The following ADARB2 variants were observed in gnomAD, a reference collection of about 807,000 sequenced individuals.
The protein encoded by ADARB2 is adenosine deaminase RNA specific B2 (inactive).
A neutral mutation model predicts 62.2 loss-of-function variants in ADARB2; 25 were observed. That is an observed-to-expected ratio of 0.40 (90% CI 0.29 to 0.56). The LOEUF is 0.56. Ranked by LOEUF, ADARB2 falls within the 20% of genes least tolerant of loss-of-function variation. The pLI is 0.43. For synonymous variants in ADARB2, 572 were observed against 500.8 expected, an observed-to-expected ratio of 1.14 and a Z score of -1.90; for missense variants, 1,071 against 1,077.4, an observed-to-expected ratio of 0.99 and a Z score of 0.08.
At chr10:1,193,993 G>T (rs1836875102) in intron 8 of ADARB2, among the ~76,000 whole-genome samples, 1 of 152,048 alleles carries the variant, frequency 6.6e-6, no homozygotes, top group Non-Finnish European at 1.5e-5. Flanking sequence ...ATTCTTAGTT[G>T]TGATCTCTTT....
intron 1 of ADARB2, among the ~76,000 whole-genome samples, chr10:1,530,259 C>T (rs934521702): frequency 6.6e-6 from 1 of 152,236 alleles, no homozygotes; most frequent in Non-Finnish European, 1.5e-5. Flanking sequence ...TGAGGGTCTC[C>T]CTCCTGGCAC....
chr10:1,223,826 C>A (rs552891809), intron 6 of ADARB2, among the ~76,000 whole-genome samples: 1 of 152,006 alleles, frequency 6.6e-6, no homozygotes, highest in Admixed American at 6.6e-5. Flanking sequence ...TCGTTTTGCC[C>A]GTATTTTATT....
intron 7 of ADARB2, among the ~76,000 whole-genome samples, chr10:1,209,580 C>T (rs1012612467): frequency 6.0e-5 from 9 of 151,130 alleles, no homozygotes; most frequent in African/African-American, 2.2e-4. Flanking sequence ...ATCACCCACA[C>T]TCTCACCATC....
At chr10:1,284,388 A>C (rs142107344) in intron 3 of ADARB2, among the ~76,000 whole-genome samples, 10 of 152,176 alleles carry the variant, frequency 6.6e-5, no homozygotes, top group Non-Finnish European at 1.2e-4. Flanking sequence ...CAAGCACCCT[A>C]GATGTAAGGT....
chr10:1,683,088 A>G (rs1834559430), intron 1 of ADARB2, among the ~76,000 whole-genome samples: 1 of 152,204 alleles, frequency 6.6e-6, no homozygotes, highest in Non-Finnish European at 1.5e-5. Context: ...TGTGCTTTTC[A>G]TGCTTTACTT....
intron 1 of ADARB2, among the ~76,000 whole-genome samples, chr10:1,424,871 TG>T (rs971786090): frequency 6.6e-6 from 1 of 152,172 alleles, no homozygotes; most frequent in Non-Finnish European, 1.5e-5. Context: ...AAATTGGAAC[TG>T]TGGCCACTGG....
intron 1 of ADARB2, among the ~76,000 whole-genome samples, chr10:1,437,636 A>G (rs1301992449): frequency 6.6e-6 from 1 of 152,186 alleles, no homozygotes; most frequent in East Asian, 1.9e-4. Context: ...ATATGGGAAG[A>G]AGGGAGGGAT....
At chr10:1,207,338 T>C (rs2131746618) in intron 7 of ADARB2, among the ~76,000 whole-genome samples, 1 of 152,272 alleles carries the variant, frequency 6.6e-6, no homozygotes, top group East Asian at 1.9e-4. Context: ...AGAGCAAGAC[T>C]TCATCTCAAT....
intron 7 of ADARB2, among the ~76,000 whole-genome samples, chr10:1,212,587 C>T (rs544314818): frequency 5.2e-4 from 79 of 152,302 alleles, no homozygotes; most frequent in African/African-American, 1.8e-3. Context: ...TGAGGGCCCC[C>T]GAGGGCCACT....
At chr10:1,621,805 G>T (rs1321573186) in intron 1 of ADARB2, among the ~76,000 whole-genome samples, 1 of 152,096 alleles carries the variant, frequency 6.6e-6, no homozygotes, top group Non-Finnish European at 1.5e-5. Flanking sequence ...AATTATCCAT[G>T]GATTCAATGC....
chr10:1,579,173 T>C (rs1483604488), intron 1 of ADARB2, among the ~76,000 whole-genome samples: 1 of 152,170 alleles, frequency 6.6e-6, no homozygotes, highest in African/African-American at 2.4e-5. Flanking sequence ...GTGAAGATGC[T>C]CAGCGGTCAC....
At chr10:1,695,929 T>C (rs998992089) in intron 1 of ADARB2, among the ~76,000 whole-genome samples, 3 of 152,100 alleles carry the variant, frequency 2.0e-5, no homozygotes, top group African/African-American at 7.2e-5. Flanking sequence ...TGTGAAAGTG[T>C]GCATATGTGT....
intron 1 of ADARB2, among the ~76,000 whole-genome samples, chr10:1,540,989 G>C (rs370564894): frequency 3.8e-5 from 2 of 52,952 alleles, no homozygotes; most frequent in African/African-American, 7.8e-5. Flanking sequence ...ACTCCACTCA[G>C]ACTCAGTTCA....
intron 1 of ADARB2, among the ~76,000 whole-genome samples, chr10:1,720,750 CA>C (rs1835081104): frequency 6.6e-6 from 1 of 152,226 alleles, no homozygotes; most frequent in South Asian, 2.1e-4. Flanking sequence ...AACCCTGTGG[CA>C]AAACATTTGG....
intron 1 of ADARB2, among the ~76,000 whole-genome samples, chr10:1,465,924 C>A (rs1330473706): frequency 6.6e-6 from 1 of 152,248 alleles, no homozygotes; most frequent in Non-Finnish European, 1.5e-5. Context: ...GCAGAGGGTT[C>A]TTTCTCTGTT....
chr10:1,588,818 G>T (rs913233031), intron 1 of ADARB2, among the ~76,000 whole-genome samples: 1 of 152,154 alleles, frequency 6.6e-6, no homozygotes, highest in East Asian at 1.9e-4. Flanking sequence ...GGAGAGCTTC[G>T]CAGATGACAA....
chr10:1,624,036 C>T (rs1815834716), intron 1 of ADARB2, among the ~76,000 whole-genome samples: 2 of 152,052 alleles, frequency 1.3e-5, no homozygotes, highest in Admixed American at 6.5e-5. Flanking sequence ...AGTTTGAGAC[C>T]AGCCTGGGCA....
intron 1 of ADARB2, among the ~76,000 whole-genome samples, chr10:1,735,506 G>A (rs1350827831): frequency 6.6e-6 from 1 of 152,212 alleles, no homozygotes; most frequent in African/African-American, 2.4e-5. Context: ...ATTGGGAAAT[G>A]TGAACATTTC....
At chr10:1,635,189 A>G (rs1833904698) in intron 1 of ADARB2, among the ~76,000 whole-genome samples, 1 of 152,242 alleles carries the variant, frequency 6.6e-6, no homozygotes. Flanking sequence ...GTTTAAAAAC[A>G]CACAATTTTA....
Sources: gnomAD v4.1 joint callset for allele counts (sites outside exome capture counted in the v4.1 genomes callset) on GRCh38, gnomAD v4.1.1 for gene constraint, MANE v1.5 for transcripts, NCBI Gene and HGNC (gene_info 2026-07-23, HGNC 2026-07-21) for gene names.